The following WNT11 variants were observed in gnomAD, a reference collection of about 807,000 sequenced individuals.
WNT11 encodes Wnt family member 11, also known as protein Wnt-11.
Under a neutral mutation model 35.6 loss-of-function variants are expected in WNT11, and 20 were observed. The observed-to-expected ratio is 0.56, with a 90% CI of 0.40 to 0.82. The LOEUF (loss-of-function observed/expected upper bound fraction) is 0.82, where lower values mean the gene tolerates loss of function less well. Among genes scored for constraint, WNT11 ranks in the 40% least tolerant of loss-of-function variants. The probability of loss-of-function intolerance (pLI) is 0.00; values close to 1 mark genes in which losing one functional copy is unlikely to be tolerated. For missense variants in WNT11, 459 were observed against 504.4 expected, an observed-to-expected ratio of 0.91 and a Z score of 0.86; for synonymous variants, 200 against 211.9, an observed-to-expected ratio of 0.94 and a Z score of 0.49.
chr11:76,202,746 C>T (rs1321600414), intron 1 of WNT11, among the ~76,000 whole-genome samples: 5 of 152,222 alleles, frequency 3.3e-5, no homozygotes, highest in Non-Finnish European at 7.3e-5. Context: ...CCTGGGGCCC[C>T]ACAGCCTGAG....
chr11:76,196,793 C>T, intron 1 of WNT11, 75 bp from the exon 2 acceptor site: 2 of 1,452,080 alleles, frequency 1.4e-6, no homozygotes, highest in East Asian at 5.0e-5. Flanking sequence ...CTCCACCCGC[C>T]CTTCTGGCCC....
chr11:76,192,445 T>G (rs986363304), intron 3 of WNT11, among the ~76,000 whole-genome samples: 2 of 152,046 alleles, frequency 1.3e-5, no homozygotes, highest in African/African-American at 2.4e-5. Flanking sequence ...TGGCTGACTT[T>G]CCCCCCACTG....
At chr11:76,190,147 C>T (rs890432899) in intron 4 of WNT11, among the ~76,000 whole-genome samples, 3 of 151,978 alleles carry the variant, frequency 2.0e-5, no homozygotes, top group Non-Finnish European at 2.9e-5. Context: ...CGGTGGGGTG[C>T]CCTCCCCACT....
intron 1 of WNT11, among the ~76,000 whole-genome samples, chr11:76,206,083 C>G (rs1953467183): frequency 6.6e-6 from 1 of 152,242 alleles, no homozygotes; most frequent in South Asian, 2.1e-4. Context: ...CCACCGTCAG[C>G]TGCACAGGAC....
chr11:76,188,763 A>G (rs921802487), intron 4 of WNT11, among the ~76,000 whole-genome samples: 1 of 152,266 alleles, frequency 6.6e-6, no homozygotes, highest in Non-Finnish European at 1.5e-5. Context: ...TGGAAGAGGA[A>G]AGGCCATCTA....
rs753052445 is a variant in WNT11, at chr11:76,187,163, C to G, written c.967G>C (p.Asp323His). ...CCGRGYNPYTDRVVERCHCKY... is the reference protein window; with the variant it reads ...CCGRGYNPYTHRVVERCHCKY... ...CAGTGGCACCGCTCGACCACGCGGT[C>G]TGTGTAGGGGTTGTAGCCACGCCCG... The change falls in exon 5 of 5, where the codon GAC becomes CAC. Residue 323 changes from aspartate (D) to histidine (H), a missense_variant. Asp to His is a moderately conservative substitution (Grantham distance 81). Transcript: ENST00000322563. The G allele has an allele frequency of 2.5e-6, 4 of 1,611,538 alleles. No homozygotes were observed. Among genetic ancestry groups the G allele is most frequent in the Non-Finnish European group, 3.4e-6 (4 of 1,180,028 alleles).
rs746246491 is a variant in WNT11 at position 76,194,660 on chromosome 11, C to T, written c.504G>A (p.Gly168=). Residue 168 remains glycine (G), a synonymous_variant, in exon 3 of 5, where the codon GGG becomes GGA. Coordinates refer to ENST00000322563, the MANE Select transcript of WNT11 (RefSeq NM_004626.3). The surrounding 1 kb of genome is among the most constrained non-coding windows in gnomAD (Gnocchi z 5.4). ...ADNLSYGLLM[G]AKFSDAPMKV... ...TCATAGGAGCATCGGAAAACTTGGC[C>T]CCCATGAGGAGCCCGTAGCTGAGGT... 5.8e-6 allele frequency: 9 copies of T among 1,550,600 alleles called. No homozygotes were observed. The highest frequency in any genetic ancestry group is 7.8e-6 in the Non-Finnish European group (9 of 1,146,954).
intron 1 of WNT11, among the ~76,000 whole-genome samples, chr11:76,197,347 A>G (rs1591307394): frequency 6.6e-6 from 1 of 152,378 alleles, no homozygotes; most frequent in African/African-American, 2.4e-5. Context: ...TGAAAAATTT[A>G]GTATCTAATT....
chr11:76,206,505 C>G (rs905551934), upstream of WNT11: 5 of 1,245,112 alleles, frequency 4.0e-6, no homozygotes, highest in Non-Finnish European at 2.0e-6. Context: ...CCGCCTGCAG[C>G]CGGGGAGAGC....
upstream of WNT11, among the ~76,000 whole-genome samples, chr11:76,209,099 T>G (rs1172290748): frequency 1.3e-5 from 2 of 152,140 alleles, no homozygotes; most frequent in Non-Finnish European, 2.9e-5. Context: ...GCCCCCTGTG[T>G]CCTGGTCGTT....
At chr11:76,204,429 C>T (rs1310850536) in intron 1 of WNT11, among the ~76,000 whole-genome samples, 1 of 152,204 alleles carries the variant, frequency 6.6e-6, no homozygotes, top group Non-Finnish European at 1.5e-5. Context: ...GGCCTCCAGG[C>T]TTCTGCTCGT....
In WNT11 at chr11:76,194,837, C is replaced by T. The variant is rs1464257265; in HGVS notation, c.327G>A (p.Arg109=). ...ACAGCGCATACACGAAGGCCGACTC[C>T]CGGGTCCCTGAGGGTGGGAGGGGAA... is the stretch of plus-strand genomic sequence containing the variant. The part of the protein sequence containing the change: ...NYLLDLERGT[R]ESAFVYALSA... The change falls in exon 3 of 5, where the codon CGG becomes CGA. Residue 109 remains arginine, a synonymous_variant. Transcript: ENST00000322563. This position sits in a 1 kb window ranked among gnomAD's most constrained non-coding sequence, Gnocchi z 5.4. 6.6e-7 allele frequency: 1 copy of T among 1,511,350 alleles called. No individual in the cohort carries two copies. The highest frequency in any genetic ancestry group is 1.3e-5 in the South Asian group (1 of 78,082). The allele number at this position is 1,511,350 out of a possible 1,614,324, so 93.6% of individuals were successfully genotyped here. A position where few individuals can be genotyped will look rare whatever the true frequency, so the allele number is the denominator to read the frequency against.
chr11:76,204,770 G>A lies in WNT11; in HGVS notation c.83+1555C>T, dbSNP rs117007003. On this transcript the variant is annotated intron_variant, in intron 1 of 4. Transcript: ENST00000322563. Reference sequence around the variant, plus strand: ...ACCACAGGCCAGCGTGGGGGCTTGCGTGCATCATGCCCTTTGCAGGGTCTC... The same window carrying A: ...ACCACAGGCCAGCGTGGGGGCTTGCATGCATCATGCCCTTTGCAGGGTCTC... Among the ~76,000 whole-genome samples the A allele has an allele frequency of 2.2e-3, 336 of 152,174 alleles. 1 individual carries two copies. Among genetic ancestry groups the A allele is most frequent in the South Asian group, 5.8e-3 (28 of 4,790 alleles).
At chr11:76,198,934 C>T (rs1953331999) in intron 1 of WNT11, among the ~76,000 whole-genome samples, 1 of 152,096 alleles carries the variant, frequency 6.6e-6, no homozygotes, top group Non-Finnish European at 1.5e-5. Flanking sequence ...AGGAGTTTGA[C>T]ACCAGCCTGG....
chr11:76,208,420 A>G (rs545714766), upstream of WNT11, among the ~76,000 whole-genome samples: 65 of 152,142 alleles, frequency 4.3e-4, no homozygotes, highest in African/African-American at 1.5e-3. Flanking sequence ...TCTCGGTGTA[A>G]CCCAGTCCCG....
At chr11:76,196,002 C>T (rs1026680315) in intron 2 of WNT11, among the ~76,000 whole-genome samples, 4 of 152,196 alleles carry the variant, frequency 2.6e-5, no homozygotes, top group African/African-American at 4.8e-5. Context: ...AGGAAGTCTT[C>T]GAGATGTTCT....
Position 76,196,700 on chromosome 11 carries a change from T to C in WNT11, c.102A>G (p.Pro34=), listed in dbSNP as rs755245991. 14 of 1,610,344 alleles carry C rather than the reference T, an allele frequency of 8.7e-6. No individual in the cohort carries two copies. The highest frequency in any genetic ancestry group is 2.7e-5 in the African/African-American group (2 of 74,842). Residue 34 remains proline (P), a synonymous_variant, in exon 2 of 5, where the codon CCA becomes CCG. Coordinates refer to ENST00000322563, the MANE Select transcript of WNT11 (RefSeq NM_004626.3). ...GIKWLALSKT[P]SALALNQTQH... is the part of the protein sequence containing the mutation. ...GCGTCTGGTTCAGTGCCAGGGCCGA[T>C]GGTGTCTTGGACAGCGCCCTGCACA...
chr11:76,197,117 C>T (rs1258685969), intron 1 of WNT11, among the ~76,000 whole-genome samples: 3 of 152,364 alleles, frequency 2.0e-5, no homozygotes, highest in East Asian at 1.9e-4. Flanking sequence ...TGAGCAGCTA[C>T]GTGCCAGAAA....
chr11:76,206,106 T>C (rs766811221), intron 1 of WNT11, among the ~76,000 whole-genome samples: 34 of 152,050 alleles, frequency 2.2e-4, no homozygotes, highest in Middle Eastern at 3.2e-3. Context: ...GGCGCTTCCA[T>C]TGTGGTCCAC....
Sources: gnomAD v4.1 joint callset for allele counts (sites outside exome capture counted in the v4.1 genomes callset) on GRCh38, gnomAD v4.1.1 for gene constraint, Gnocchi (gnomAD v3.1) non-coding constraint, MANE v1.5 for transcripts, NCBI Gene and HGNC (gene_info 2026-07-23, HGNC 2026-07-21) for gene names.